Variants in OXR1 observed in about 807,000 individuals in gnomAD.
OXR1 encodes the protein oxidation resistance 1, also known as oxidation resistance protein 1.
A neutral mutation model predicts 104.6 loss-of-function variants in OXR1; 41 were observed. That is an observed-to-expected ratio of 0.39 (90% confidence interval 0.31 to 0.51). The LOEUF is 0.51. OXR1 is among the 20% of genes least tolerant of loss of function. The pLI, the probability that OXR1 is intolerant of heterozygous loss-of-function variation, is 0.77. For synonymous variants in OXR1, 348 were observed against 348.4 expected (o/e 1.00, Z 0.01); for missense variants, 955 against 1,031.9 (o/e 0.93, Z 1.02).
chr8:106,646,980 T>G (rs575855022), intron 3 of OXR1, among the ~76,000 whole-genome samples: 6 of 152,180 alleles, frequency 3.9e-5, no homozygotes, highest in African/African-American at 1.4e-4. Context: ...ACATTCCAGG[T>G]ATGGAGTATT....
chr8:106,326,002 A>G (rs1814454167), intron 1 of OXR1, among the ~76,000 whole-genome samples: 1 of 152,232 alleles, frequency 6.6e-6, no homozygotes, highest in African/African-American at 2.4e-5. Context: ...TATAGTCATT[A>G]GTTATCATGA....
chr8:106,452,061 A>AG (rs1358384736), intron 2 of OXR1, among the ~76,000 whole-genome samples: 1 of 152,200 alleles, frequency 6.6e-6, no homozygotes, highest in Admixed American at 6.5e-5. Flanking sequence ...TATTGTATGC[A>AG]GGACACATGG....
intron 6 of OXR1, among the ~76,000 whole-genome samples, chr8:106,691,736 C>G (rs1190893003): frequency 1.3e-5 from 2 of 150,032 alleles, no homozygotes; most frequent in Non-Finnish European, 1.5e-5. Context: ...AGCTTTTTGC[C>G]AGTTTGCAGG....
chr8:106,440,130 G>A (rs1358622577), intron 2 of OXR1, among the ~76,000 whole-genome samples: 1 of 152,050 alleles, frequency 6.6e-6, no homozygotes, highest in Non-Finnish European at 1.5e-5. Flanking sequence ...GACTGCGTTG[G>A]TAATTTTCAA....
chr8:106,517,903 T>C (rs1050071194), intron 2 of OXR1, among the ~76,000 whole-genome samples: 6 of 152,184 alleles, frequency 3.9e-5, no homozygotes, highest in Admixed American at 3.9e-4. Flanking sequence ...ACAAAGCTTT[T>C]GCTGTGGAAA....
chr8:106,316,733 T>TATCTATC (rs1563714079), intron 1 of OXR1, among the ~76,000 whole-genome samples: 16 of 107,808 alleles, frequency 1.5e-4, no homozygotes, highest in East Asian at 1.1e-3. Flanking sequence ...TCTATCTATC[T>TATCTATC]ATCTATCTAT....
At chr8:106,479,323 A>G (rs1821980444) in intron 2 of OXR1, among the ~76,000 whole-genome samples, 1 of 152,038 alleles carries the variant, frequency 6.6e-6, no homozygotes, top group African/African-American at 2.4e-5. Flanking sequence ...CCATCATGTC[A>G]TGATACCTAA....
chr8:106,666,232 T>A (rs1296933831), intron 3 of OXR1, among the ~76,000 whole-genome samples: 1 of 152,206 alleles, frequency 6.6e-6, no homozygotes, highest in African/African-American at 2.4e-5. Flanking sequence ...TAGTTACGAC[T>A]CTCTGTTTTG....
intron 1 of OXR1, among the ~76,000 whole-genome samples, chr8:106,295,118 G>A (rs532773490): frequency 6.6e-6 from 1 of 152,236 alleles, no homozygotes; most frequent in South Asian, 2.1e-4. Context: ...TAATTTCAAG[G>A]AACAAAAGGA....
chr8:106,332,090 A>T (rs1400675664), intron 1 of OXR1, among the ~76,000 whole-genome samples: 3 of 150,368 alleles, frequency 2.0e-5, no homozygotes, highest in African/African-American at 7.4e-5. Flanking sequence ...TCTTATTTTC[A>T]TAAAATAAGT....
chr8:106,525,837 A>G lies in OXR1; in HGVS notation c.220+6698A>G, dbSNP rs73311204. ...AACCTCTCCCTTTTATCCTATCTAA[A>G]CTAATCTCACTGTAACACCTTCTTG... On this transcript the variant is annotated intron_variant, in intron 3 of 16. Transcript: ENST00000517566. 4.6e-3 allele frequency among the ~76,000 whole-genome samples: 696 copies of G among 152,334 alleles called. 4 individuals are homozygous for G. The highest frequency in any genetic ancestry group is 0.016 in the African/African-American group (665 of 41,574).
At chr8:106,750,767 A>G (rs771708876) in intron 16 of OXR1, 39 bp from the exon 17 acceptor site, 3 of 1,446,724 alleles carry the variant, frequency 2.1e-6, no homozygotes, top group Non-Finnish European at 2.8e-6. Flanking sequence ...TTATAACTTA[A>G]GGCATAAATA....
Position 106,292,025 on chromosome 8 carries a change from A to G in OXR1, c.-139+21658A>G, listed in dbSNP as rs547006168. ...ATTTGGATGGGGACACAGCCAAACCATATCAACACGTGATGAAATCTGCCA... is the reference window on the plus strand; with the variant it reads ...ATTTGGATGGGGACACAGCCAAACCGTATCAACACGTGATGAAATCTGCCA... On this transcript the variant is annotated intron_variant, in intron 1 of 16. Transcript: ENST00000517566. Among the ~76,000 whole-genome samples, 679 of 152,312 alleles carry G rather than the reference A, an allele frequency of 4.5e-3. 3 individuals carry two copies. The highest frequency in any genetic ancestry group is 6.1e-3 in the Non-Finnish European group (416 of 68,024).
chr8:106,287,090 C>G (rs12676868), intron 1 of OXR1, among the ~76,000 whole-genome samples: 13,206 of 151,920 alleles, frequency 0.087, 657 homozygotes, highest in African/African-American at 0.13. Context: ...ATACCCAATA[C>G]GGTAATAAAA....
intron 2 of OXR1, among the ~76,000 whole-genome samples, chr8:106,461,370 G>A (rs1222039170): frequency 1.3e-5 from 2 of 151,940 alleles, no homozygotes; most frequent in East Asian, 1.9e-4. Flanking sequence ...TCAGGAGTTC[G>A]AGACCAGCCT....
intron 2 of OXR1, among the ~76,000 whole-genome samples, chr8:106,440,418 A>C (rs1819738082): frequency 6.6e-6 from 1 of 152,130 alleles, no homozygotes; most frequent in Admixed American, 6.6e-5. Flanking sequence ...AGTACTGCTG[A>C]TTTCAGTAGT....
intron 2 of OXR1, among the ~76,000 whole-genome samples, chr8:106,468,918 G>T (rs796767849): frequency 1.1e-4 from 17 of 151,590 alleles, no homozygotes; most frequent in African/African-American, 4.1e-4. Flanking sequence ...GGGCAGAAAG[G>T]TAGTCAGTCG....
intron 9 of OXR1, among the ~76,000 whole-genome samples, chr8:106,708,413 AAAAC>A (rs1452528633): frequency 1.3e-5 from 2 of 152,128 alleles, no homozygotes; most frequent in African/African-American, 4.8e-5. Context: ...AAAAAAATAA[AAAAC>A]AAAAACCAGT....
intron 1 of OXR1, among the ~76,000 whole-genome samples, chr8:106,292,121 C>T (rs1487194201): frequency 6.6e-6 from 1 of 152,158 alleles, no homozygotes; most frequent in Non-Finnish European, 1.5e-5. Flanking sequence ...ATCCTACCCA[C>T]CCATAGCCTC....
Sources: allele counts gnomAD v4.1 joint callset (sites outside exome capture counted in the v4.1 genomes callset), GRCh38; gene constraint gnomAD v4.1.1; transcripts MANE v1.5; gene names NCBI Gene and HGNC (gene_info 2026-07-23, HGNC 2026-07-21).